KCNQ3: variants seen among roughly 807,000 people sequenced by gnomAD.
KCNQ3 encodes potassium voltage-gated channel subfamily KQT member 3.
A neutral mutation model predicts 92.5 loss-of-function variants in KCNQ3; 30 were observed. That is an observed-to-expected ratio of 0.32 (90% confidence interval 0.24 to 0.44). KCNQ3 has a LOEUF of 0.44. Ranked by LOEUF, KCNQ3 falls within the 20% of genes least tolerant of loss-of-function variation. The pLI is 1.00. For synonymous variants in KCNQ3, 450 were observed against 468.8 expected, an observed-to-expected ratio of 0.96 and a Z score of 0.52; for missense variants, 913 against 1,140.3, an observed-to-expected ratio of 0.80 and a Z score of 2.87.
intron 1 of KCNQ3, among the ~76,000 whole-genome samples, chr8:132,457,605 G>A (rs540698064): frequency 3.2e-4 from 49 of 152,180 alleles, no homozygotes; most frequent in African/African-American, 8.7e-4. Flanking sequence ...ATCTTTCCAC[G>A]CCTGGATCAA....
chr8:132,429,172 C>T (rs1019455926), intron 1 of KCNQ3, among the ~76,000 whole-genome samples: 1 of 152,234 alleles, frequency 6.6e-6, no homozygotes, highest in African/African-American at 2.4e-5. Flanking sequence ...GCACCTGATG[C>T]AAGTTTGTCA....
At chr8:132,171,910 C>A (rs1475114387) in intron 7 of KCNQ3, among the ~76,000 whole-genome samples, 9 of 152,080 alleles carry the variant, frequency 5.9e-5, no homozygotes, top group Non-Finnish European at 1.3e-4. Flanking sequence ...AATCCCAGAA[C>A]TCTGGGAGGC....
chr8:132,348,028 G>A (rs915061655), intron 1 of KCNQ3, among the ~76,000 whole-genome samples: 3 of 151,206 alleles, frequency 2.0e-5, no homozygotes, highest in African/African-American at 7.3e-5. Flanking sequence ...CAGATAAGGG[G>A]AGCAGACCTT....
intron 1 of KCNQ3, among the ~76,000 whole-genome samples, chr8:132,198,250 G>A (rs1050076604): frequency 5.9e-5 from 9 of 152,158 alleles, no homozygotes; most frequent in African/African-American, 2.2e-4. Context: ...GCCTTTGGAT[G>A]AGCCCCCAGC....
intron 1 of KCNQ3, among the ~76,000 whole-genome samples, chr8:132,232,758 A>C (rs1305597057): frequency 2.0e-5 from 3 of 152,192 alleles, no homozygotes; most frequent in Admixed American, 1.3e-4. Context: ...TTCATTAAAA[A>C]ACAGCCCCAA....
intron 1 of KCNQ3, among the ~76,000 whole-genome samples, chr8:132,284,792 G>A (rs539271011): frequency 2.5e-4 from 38 of 152,324 alleles, no homozygotes; most frequent in South Asian, 1.0e-3. Context: ...AGCTGGTGCC[G>A]TTAAGGGGTG....
chr8:132,341,783 A>G (rs2130686616), intron 1 of KCNQ3, among the ~76,000 whole-genome samples: 1 of 152,350 alleles, frequency 6.6e-6, no homozygotes, highest in South Asian at 2.1e-4. Context: ...AGAGACATTC[A>G]GAGCATATCC....
chr8:132,456,180 C>T (rs1324207804), intron 1 of KCNQ3, among the ~76,000 whole-genome samples: 1 of 152,170 alleles, frequency 6.6e-6, no homozygotes, highest in Non-Finnish European at 1.5e-5. Context: ...TCCAAAAAGC[C>T]TCTGTCACCT....
intron 10 of KCNQ3, 33 bp downstream of exon 10, chr8:132,141,096 G>C: frequency 6.3e-7 from 1 of 1,594,798 alleles, no homozygotes; most frequent in Non-Finnish European, 8.6e-7. Context: ...GGAAGAAGTG[G>C]AAGAGACAGG....
At chr8:132,140,238 C>T (rs2130942708) in intron 10 of KCNQ3, 60 bp from the exon 11 acceptor site, 2 of 1,265,968 alleles carry the variant, frequency 1.6e-6, no homozygotes, top group African/African-American at 2.9e-5. Context: ...CTTGGGGACC[C>T]CACTGTTCGG....
intron 1 of KCNQ3, among the ~76,000 whole-genome samples, chr8:132,345,028 T>C (rs1338551799): frequency 6.6e-6 from 1 of 152,202 alleles, no homozygotes; most frequent in African/African-American, 2.4e-5. Flanking sequence ...CACTAGAGCA[T>C]GCCCCCCTGT....
intron 1 of KCNQ3, among the ~76,000 whole-genome samples, chr8:132,320,198 G>T (rs1323679920): frequency 6.6e-6 from 1 of 152,174 alleles, no homozygotes; most frequent in East Asian, 1.9e-4. Flanking sequence ...AATTAAGACT[G>T]TGGGCTCTGG....
chr8:132,325,626 C>T (rs958310292), intron 1 of KCNQ3, among the ~76,000 whole-genome samples: 3 of 152,210 alleles, frequency 2.0e-5, no homozygotes, highest in East Asian at 1.9e-4. Flanking sequence ...GAGAAGACAG[C>T]CATCTACAAG....
chr8:132,342,307 TTC>T (rs1355722914), intron 1 of KCNQ3, among the ~76,000 whole-genome samples: 1 of 146,478 alleles, frequency 6.8e-6, no homozygotes, highest in African/African-American at 2.6e-5. Flanking sequence ...ATCCATTGAT[TTC>T]TTTTTTCTTT....
At chr8:132,338,467 G>A (rs1361580947) in intron 1 of KCNQ3, among the ~76,000 whole-genome samples, 1 of 152,234 alleles carries the variant, frequency 6.6e-6, no homozygotes, top group African/African-American at 2.4e-5. Flanking sequence ...ACCTCAGAGG[G>A]TCACAGGATA....
intron 1 of KCNQ3, among the ~76,000 whole-genome samples, chr8:132,427,148 G>T (rs1007790192): frequency 4.6e-5 from 7 of 152,238 alleles, no homozygotes; most frequent in Admixed American, 3.9e-4. Flanking sequence ...TGATTGATTA[G>T]TGATGCCTAT....
At chr8:132,258,385 A>G (rs1815662615) in intron 1 of KCNQ3, among the ~76,000 whole-genome samples, 1 of 152,144 alleles carries the variant, frequency 6.6e-6, no homozygotes, top group African/African-American at 2.4e-5. Flanking sequence ...TATGAAAATA[A>G]TAATAATACA....
At chr8:132,186,933 T>A (rs10091149) in intron 1 of KCNQ3, among the ~76,000 whole-genome samples, 88,920 of 105,268 alleles carry the variant, frequency 0.84, 38,208 homozygotes, top group Middle Eastern at 0.94. Context: ...TGTGTGTGTG[T>A]GAGAGAGAGA....
At position 132,128,545 on chromosome 8, in the gene KCNQ3, G is replaced by GTT. The variant is rs1554621159; in HGVS notation, c.*715_*716dup. On this transcript the variant is annotated 3_prime_UTR_variant, in exon 15 of 15. Coordinates refer to ENST00000388996, the MANE Select transcript of KCNQ3 (RefSeq NM_004519.4). ...TGTGTGTGTGTGTGTGTGTGTGTGT[G>GTT]TTTTCTCCCTGCCAATTCATAACTC... 7.2e-6 allele frequency: 1 copy of GTT among 139,384 alleles called. No individual in the cohort carries two copies. Among genetic ancestry groups the GTT allele is most frequent in the Non-Finnish European group, 1.6e-5 (1 of 63,674 alleles). 8.6% of individuals were successfully genotyped at this position (139,384 alleles called of 1,614,324 possible).
Sources: gnomAD v4.1 joint callset for allele counts (sites outside exome capture counted in the v4.1 genomes callset) on GRCh38, gnomAD v4.1.1 for gene constraint, MANE v1.5 for transcripts, NCBI Gene and HGNC (gene_info 2026-07-23, HGNC 2026-07-21) for gene names.